The following TMEM232 variants were observed in gnomAD, a reference collection of about 807,000 sequenced individuals.
TMEM232 encodes the protein transmembrane protein 232.
In TMEM232, 80 loss-of-function variants were observed where a neutral mutation model predicts 78.8. The ratio of observed to expected loss-of-function variants is 1.01; its 90% CI spans 0.85 to 1.22. The LOEUF is 1.22. Among genes scored for constraint, TMEM232 ranks in the 50% most tolerant of loss-of-function variants. TMEM232 has a pLI of 0.00. For synonymous variants in TMEM232, 297 were observed against 254.3 expected, an observed-to-expected ratio of 1.17 and a Z score of -1.60; for missense variants, 881 against 742.2, an observed-to-expected ratio of 1.19 and a Z score of -2.17.
intron 1 of TMEM232, among the ~76,000 whole-genome samples, chr5:110,687,140 T>G (rs1006984679): frequency 6.6e-6 from 1 of 152,152 alleles, no homozygotes; most frequent in Non-Finnish European, 1.5e-5. Flanking sequence ...GAAAAATAAC[T>G]CAGGGGAGTT....
intron 11 of TMEM232, among the ~76,000 whole-genome samples, chr5:110,562,841 CTAAAT>C (rs1041656118): frequency 3.3e-5 from 5 of 151,798 alleles, no homozygotes; most frequent in African/African-American, 9.7e-5. Flanking sequence ...GGAATTCAAA[CTAAAT>C]TAAGTGATTT....
chr5:110,425,700 A>G (rs192979410), intron 12 of TMEM232, among the ~76,000 whole-genome samples: 4 of 151,950 alleles, frequency 2.6e-5, no homozygotes, highest in South Asian at 2.1e-4. Context: ...AATCTTCCCA[A>G]TTACCTTCAT....
intron 7 of TMEM232, among the ~76,000 whole-genome samples, chr5:110,619,481 G>A (rs1213695648): frequency 2.0e-5 from 3 of 152,126 alleles, no homozygotes; most frequent in African/African-American, 7.2e-5. Context: ...TAAGATTCTG[G>A]AGATAAAGAC....
At chr5:110,464,028 C>A (rs900916161) in intron 12 of TMEM232, among the ~76,000 whole-genome samples, 1 of 152,192 alleles carries the variant, frequency 6.6e-6, no homozygotes, top group South Asian at 2.1e-4. Context: ...CAAATGCTAC[C>A]TCCTCTGAGA....
chr5:110,574,230 T>C (rs1350456081), intron 10 of TMEM232, among the ~76,000 whole-genome samples: 1 of 152,072 alleles, frequency 6.6e-6, no homozygotes. Context: ...GCTTTTTAAA[T>C]GAGAAAAGGA....
intron 1 of TMEM232, among the ~76,000 whole-genome samples, chr5:110,680,086 G>C (rs1489386643): frequency 1.3e-5 from 2 of 152,002 alleles, no homozygotes; most frequent in Non-Finnish European, 2.9e-5. Flanking sequence ...TTTGTTTCAA[G>C]CTCCCCAGGT....
intron 2 of TMEM232, among the ~76,000 whole-genome samples, chr5:110,404,951 G>A (rs1231495122): frequency 1.3e-5 from 2 of 152,098 alleles, no homozygotes; most frequent in East Asian, 3.9e-4. Flanking sequence ...AAGATTCCAA[G>A]CAAAAAACAA....
chr5:110,499,635 C>CACACA (rs1554091659), intron 12 of TMEM232, among the ~76,000 whole-genome samples: 3 of 143,604 alleles, frequency 2.1e-5, no homozygotes, highest in South Asian at 2.1e-4. Flanking sequence ...ACACCCCCCC[C>CACACA]CACACACACA....
chr5:110,651,852 C>A (rs771745829), intron 2 of TMEM232, among the ~76,000 whole-genome samples: 2 of 152,118 alleles, frequency 1.3e-5, no homozygotes, highest in Non-Finnish European at 2.9e-5. Flanking sequence ...CACCTCAAGT[C>A]TACCTCTAAA....
intron 12 of TMEM232, among the ~76,000 whole-genome samples, chr5:110,472,370 A>T (rs2149377592): frequency 6.6e-6 from 1 of 152,112 alleles, no homozygotes; most frequent in South Asian, 2.1e-4. Flanking sequence ...AAAAACTATA[A>T]AACACTGATT....
intron 2 of TMEM232, among the ~76,000 whole-genome samples, chr5:110,659,896 G>A (rs567046531): frequency 1.3e-5 from 2 of 152,070 alleles, no homozygotes; most frequent in South Asian, 4.2e-4. Context: ...TTGGAAAATG[G>A]AGAATAAAGA....
intron 12 of TMEM232, among the ~76,000 whole-genome samples, chr5:110,483,820 G>A (rs1178582428): frequency 6.6e-6 from 1 of 151,716 alleles, no homozygotes; most frequent in African/African-American, 2.4e-5. Context: ...ATACCCCAAA[G>A]GAAAATTGAT....
chr5:110,453,321 G>GAGATAA (rs984337751), intron 12 of TMEM232, among the ~76,000 whole-genome samples: 6 of 150,932 alleles, frequency 4.0e-5, no homozygotes, highest in Non-Finnish European at 8.8e-5. Context: ...TTATTTTTTT[G>GAGATAA]AGATGGAGTC....
intron 11 of TMEM232, among the ~76,000 whole-genome samples, chr5:110,539,792 A>G (rs1189637901): frequency 4.6e-5 from 7 of 152,208 alleles, no homozygotes; most frequent in Admixed American, 2.0e-4. Flanking sequence ...CAGGGGATAC[A>G]AAGTGTCCAA....
chr5:110,479,406 A>T (rs888627531), intron 12 of TMEM232, among the ~76,000 whole-genome samples: 15 of 151,638 alleles, frequency 9.9e-5, no homozygotes, highest in Admixed American at 7.2e-4. Flanking sequence ...ATAAGGAAAT[A>T]AAAAAAATTA....
At chr5:110,638,642 G>T (rs1786235478) in intron 4 of TMEM232, among the ~76,000 whole-genome samples, 1 of 151,996 alleles carries the variant, frequency 6.6e-6, no homozygotes, top group Non-Finnish European at 1.5e-5. Flanking sequence ...CTTCCACCTG[G>T]ATCTCTCTCT....
intron 11 of TMEM232, among the ~76,000 whole-genome samples, chr5:110,540,185 G>A (rs534856908): frequency 6.6e-6 from 1 of 152,278 alleles, no homozygotes; most frequent in East Asian, 1.9e-4. Context: ...AGTAGTACTA[G>A]CCCAGAAATT....
intron 12 of TMEM232, among the ~76,000 whole-genome samples, chr5:110,443,972 C>T (rs535482857): frequency 6.6e-6 from 1 of 152,288 alleles, no homozygotes; most frequent in African/African-American, 2.4e-5. Flanking sequence ...AGACAAATTC[C>T]TCTTTACTTA....
intron 12 of TMEM232, among the ~76,000 whole-genome samples, chr5:110,510,496 T>C (rs1767592170): frequency 6.6e-6 from 1 of 152,192 alleles, no homozygotes; most frequent in Non-Finnish European, 1.5e-5. Context: ...CTCCTTTCCA[T>C]TTCTATTGCC....
Sources: allele counts gnomAD v4.1 joint callset (sites outside exome capture counted in the v4.1 genomes callset), GRCh38; gene constraint gnomAD v4.1.1; transcripts MANE v1.5; gene names NCBI Gene and HGNC (gene_info 2026-07-23, HGNC 2026-07-21).